The following FUT8 variants were observed in gnomAD, a reference collection of about 807,000 sequenced individuals.
FUT8 encodes alpha-(1,6)-fucosyltransferase.
Under a neutral mutation model 71.3 loss-of-function variants are expected in FUT8, and 29 were observed. The ratio of observed to expected loss-of-function variants is 0.41; its 90% CI spans 0.30 to 0.55. The LOEUF (loss-of-function observed/expected upper bound fraction) is 0.55. Ranked by LOEUF, FUT8 falls within the 20% of genes least tolerant of loss-of-function variation. FUT8 has a pLI of 0.34. For missense variants in FUT8, 544 were observed against 702.1 expected, an observed-to-expected ratio of 0.77 and a Z score of 2.55; for synonymous variants, 254 against 239.3, an observed-to-expected ratio of 1.06 and a Z score of -0.57.
At chr14:65,736,090 C>G (rs1203171689) in intron 10 of FUT8, among the ~76,000 whole-genome samples, 1 of 152,108 alleles carries the variant, frequency 6.6e-6, no homozygotes, top group African/African-American at 2.4e-5. Flanking sequence ...TGACCAATTA[C>G]TGGCTGTGTG....
the FUT8 span, among the ~76,000 whole-genome samples, chr14:65,377,313 C>T: frequency 6.6e-6 from 1 of 152,058 alleles, no homozygotes; most frequent in Non-Finnish European, 1.5e-5. Flanking sequence ...AGGAAAAGTC[C>T]ATATTCTGCT....
intron 6 of FUT8, among the ~76,000 whole-genome samples, chr14:65,666,098 A>C (rs1892199548): frequency 6.6e-6 from 1 of 152,120 alleles, no homozygotes; most frequent in Non-Finnish European, 1.5e-5. Context: ...AAAAAAACAA[A>C]ATGCAATGTT....
At chr14:65,605,296 A>T (rs1219656024) in intron 3 of FUT8, among the ~76,000 whole-genome samples, 1 of 151,930 alleles carries the variant, frequency 6.6e-6, no homozygotes, top group Non-Finnish European at 1.5e-5. Context: ...CCTTTAATGT[A>T]TATGGGCTAC....
intron 2 of FUT8, among the ~76,000 whole-genome samples, chr14:65,515,080 A>G (rs1172913847): frequency 6.6e-6 from 1 of 152,224 alleles, no homozygotes; most frequent in East Asian, 1.9e-4. Context: ...ACATAAAATC[A>G]GTAATACACA....
At position 65,653,218 on chromosome 14, in the gene FUT8, C is replaced by T. The variant is rs1228972754; in HGVS notation, c.598-16025C>T. 2.0e-5 allele frequency among the ~76,000 whole-genome samples: 3 copies of T among 152,066 alleles called. 1 individual carries two copies. Among genetic ancestry groups the T allele is most frequent in the South Asian group, 4.1e-4 (2 of 4,828 alleles). On this transcript the variant is annotated intron_variant, in intron 6 of 10. Coordinates refer to ENST00000673929, the MANE Select transcript of FUT8 (RefSeq NM_001371533.1). ...AAAGCATGTGGAACTGGAAATATTG[C>T]CAGGGCTATTTATTTATTTATTAGT...
Position 65,615,978 on chromosome 14 carries a change from G to C in FUT8, c.204G>C (p.Arg68=). 1 of 1,604,990 alleles carries C rather than the reference G, an allele frequency of 6.2e-7. No individual in the cohort carries two copies. Among genetic ancestry groups the C allele is most frequent in the Non-Finnish European group, 8.5e-7 (1 of 1,174,506 alleles). The change falls in exon 4 of 11, where the codon CGG becomes CGC. Residue 68 remains arginine (R), a splice_region_variant and synonymous_variant. Coordinates refer to ENST00000673929, the MANE Select transcript of FUT8 (RefSeq NM_001371533.1). ...EDLRRMAESL[R]IPEGPIDQGP... is the part of the protein sequence containing the mutation. The stretch of plus-strand genomic sequence containing the variant: ...TTACATTATCTTCCCTAAACTACAG[G>C]ATACCAGAAGGCCCTATTGATCAGG...
chr14:65,369,130 T>A, the FUT8 span, among the ~76,000 whole-genome samples: 1 of 152,002 alleles, frequency 6.6e-6, no homozygotes, highest in Admixed American at 6.5e-5. This position sits in a 1 kb window ranked among gnomAD's most constrained non-coding sequence, Gnocchi z 4.6. Flanking sequence ...CTAACCACAT[T>A]TTAAGTGCCT....
chr14:65,547,195 A>AT lies in FUT8; in HGVS notation c.-227-14136dup, dbSNP rs1239475630. ...TTTTATTGATCACTTCAGGGAACCCATTTTTTGTTTTCATTGATTTTTCTT... is the reference window on the plus strand; with the variant it reads ...TTTTATTGATCACTTCAGGGAACCCATTTTTTTGTTTTCATTGATTTTTCTT... On this transcript the variant is annotated intron_variant, in intron 2 of 10. Transcript: ENST00000673929. 2.1e-4 allele frequency among the ~76,000 whole-genome samples: 31 copies of AT among 150,882 alleles called. 1 individual carries two copies. Among genetic ancestry groups the AT allele is most frequent in the Non-Finnish European group, 3.0e-5 (2 of 67,472 alleles).
the FUT8 span, among the ~76,000 whole-genome samples, chr14:65,384,620 CTT>C: frequency 6.6e-6 from 1 of 152,106 alleles, no homozygotes; most frequent in African/African-American, 2.4e-5. This position sits in a 1 kb window ranked among gnomAD's most constrained non-coding sequence, Gnocchi z 4.2. Context: ...GCATCCATCT[CTT>C]GTATAATATT....
chr14:65,726,046 A>G (rs1279005398), intron 9 of FUT8, among the ~76,000 whole-genome samples: 1 of 152,254 alleles, frequency 6.6e-6, no homozygotes, highest in African/African-American at 2.4e-5. Flanking sequence ...GTGTATATAT[A>G]TAAACAAAGG....
intron 2 of FUT8, among the ~76,000 whole-genome samples, chr14:65,526,614 G>T (rs538023658): frequency 6.6e-6 from 1 of 152,142 alleles, no homozygotes; most frequent in East Asian, 1.9e-4. Context: ...TATGATGTTA[G>T]CTGGTTATTT....
At chr14:65,554,958 C>A (rs1885509163) in intron 2 of FUT8, among the ~76,000 whole-genome samples, 1 of 152,000 alleles carries the variant, frequency 6.6e-6, no homozygotes, top group Admixed American at 6.6e-5. Flanking sequence ...TTACACTGAT[C>A]CTTTTGTAGC....
At chr14:65,406,593 T>C (rs1027583441), upstream of FUT8, among the ~76,000 whole-genome samples, 9 of 152,208 alleles carry the variant, frequency 5.9e-5, no homozygotes, top group African/African-American at 2.2e-4. Flanking sequence ...TGGAGTGCAG[T>C]AGCATAATCT....
chr14:65,399,143 C>A, the FUT8 span, among the ~76,000 whole-genome samples: 3 of 151,982 alleles, frequency 2.0e-5, no homozygotes, highest in Non-Finnish European at 4.4e-5. Context: ...GTGGTGAAAC[C>A]CCGTCTCTAG....
chr14:65,683,583 T>C (rs535629179), intron 7 of FUT8, among the ~76,000 whole-genome samples: 177 of 152,290 alleles, frequency 1.2e-3, no homozygotes, highest in Non-Finnish European at 1.5e-3. Flanking sequence ...CAGAAAAATA[T>C]TAAACTACAT....
intron 6 of FUT8, among the ~76,000 whole-genome samples, chr14:65,633,587 C>T: frequency 6.6e-6 from 1 of 151,724 alleles, no homozygotes; most frequent in Non-Finnish European, 1.5e-5. Context: ...GCGTCTCTGC[C>T]CGGCCGCCCA....
At chr14:65,412,666 G>A (rs1333937033), upstream of FUT8, 1 of 196,566 alleles carries the variant, frequency 5.1e-6, no homozygotes, top group Non-Finnish European at 1.1e-5. Flanking sequence ...CGCCGTAGGT[G>A]GCAGCGGCCG....
At chr14:65,649,023 C>T (rs1891239091) in intron 6 of FUT8, among the ~76,000 whole-genome samples, 1 of 152,204 alleles carries the variant, frequency 6.6e-6, no homozygotes, top group Non-Finnish European at 1.5e-5. Context: ...CTTATTTTCT[C>T]TCAACTATTC....
chr14:65,618,014 T>TATTC (rs1889379546), intron 5 of FUT8, among the ~76,000 whole-genome samples: 1 of 28,040 alleles, frequency 3.6e-5, no homozygotes, highest in Admixed American at 3.7e-4. Context: ...TTAATTCATA[T>TATTC]ATATATATAT....
Sources: gnomAD v4.1 joint callset for allele counts (sites outside exome capture counted in the v4.1 genomes callset) on GRCh38, gnomAD v4.1.1 for gene constraint, Gnocchi (gnomAD v3.1) non-coding constraint, MANE v1.5 for transcripts, NCBI Gene and HGNC (gene_info 2026-07-23, HGNC 2026-07-21) for gene names.